Variants in WASL observed in about 807,000 individuals in gnomAD.
WASL encodes WASP like actin nucleation promoting factor.
WASL carries 20 observed loss-of-function variants against 55.5 expected under a neutral mutation model. The ratio of observed to expected loss-of-function variants is 0.36; its 90% CI spans 0.25 to 0.52. The LOEUF (loss-of-function observed/expected upper bound fraction) is 0.52, where lower values mean the gene tolerates loss of function less well. Among genes scored for constraint, WASL ranks in the 20% least tolerant of loss-of-function variants. WASL has a pLI of 0.92. For synonymous variants in WASL, 249 were observed against 217.6 expected (o/e 1.14, Z -1.27); for missense variants, 504 against 622.5 (o/e 0.81, Z 2.03).
At chr7:123,718,477 A>G (rs1417503788) in intron 1 of WASL, among the ~76,000 whole-genome samples, 2 of 152,176 alleles carry the variant, frequency 1.3e-5, no homozygotes, top group African/African-American at 4.8e-5. Flanking sequence ...AAAAACACAA[A>G]AACACTAAGA....
intron 5 of WASL, among the ~76,000 whole-genome samples, chr7:123,698,756 C>G (rs1166381227): frequency 6.6e-6 from 1 of 152,048 alleles, no homozygotes; most frequent in Non-Finnish European, 1.5e-5. Flanking sequence ...TAAGCAGTAT[C>G]GAATGACCTG....
At chr7:123,685,913 C>T (rs1356200658) in intron 10 of WASL, among the ~76,000 whole-genome samples, 1 of 146,702 alleles carries the variant, frequency 6.8e-6, no homozygotes, top group Admixed American at 6.8e-5. Context: ...TATATAGGAC[C>T]CATGAAGGCC....
intron 2 of WASL, among the ~76,000 whole-genome samples, chr7:123,708,616 A>G (rs959903285): frequency 2.0e-5 from 3 of 152,166 alleles, no homozygotes; most frequent in African/African-American, 7.2e-5. Flanking sequence ...CTATCATGAG[A>G]AACAATATAA....
At chr7:123,706,192 T>C in intron 4 of WASL, 85 bp downstream of exon 4, 2 of 1,303,326 alleles carry the variant, frequency 1.5e-6, no homozygotes, top group Non-Finnish European at 1.1e-6. Flanking sequence ...AGTAAACTTT[T>C]ATTTACAAAA....
At chr7:123,698,058 GT>G (rs1006562691) in intron 5 of WASL, among the ~76,000 whole-genome samples, 2,774 of 144,788 alleles carry the variant, frequency 0.019, 88 homozygotes, top group African/African-American at 0.065. Context: ...CTTGTGTGTG[GT>G]TTTTTTTTTT....
chr7:123,727,330 C>T (rs1409941457), intron 1 of WASL, among the ~76,000 whole-genome samples: 2 of 138,318 alleles, frequency 1.4e-5, no homozygotes, highest in Admixed American at 1.5e-4. Flanking sequence ...GAGCTATTTG[C>T]CCAAAAGAAA....
intron 3 of WASL, 144 bp from the exon 4 acceptor site, chr7:123,706,517 ATAACT>A (rs1803672710): frequency 2.3e-6 from 2 of 881,880 alleles, no homozygotes; most frequent in South Asian, 1.8e-5. Flanking sequence ...TATGATCTGA[ATAACT>A]TAACACAAAA....
chr7:123,713,567 C>T (rs75753034), intron 1 of WASL, among the ~76,000 whole-genome samples: 74 of 152,246 alleles, frequency 4.9e-4, no homozygotes, highest in African/African-American at 1.7e-3. Flanking sequence ...CAGTCAAATA[C>T]TCCAACTTTT....
At chr7:123,691,234 CT>C (rs1222063156) in intron 9 of WASL, among the ~76,000 whole-genome samples, 2 of 152,238 alleles carry the variant, frequency 1.3e-5, no homozygotes, top group South Asian at 2.1e-4. Flanking sequence ...TCTCCATTTA[CT>C]TCACAGAAAA....
At chr7:123,698,472 A>T (rs753133785) in intron 5 of WASL, among the ~76,000 whole-genome samples, 54 of 152,160 alleles carry the variant, frequency 3.5e-4, no homozygotes, top group Non-Finnish European at 7.2e-4. Context: ...CCTTATCAAA[A>T]AAGTAAATAA....
chr7:123,706,785 A>G lies in WASL; in HGVS notation c.294T>C (p.Phe98=). The change falls in exon 3 of 11, where the codon TTT becomes TTC. Residue 98 remains phenylalanine (F), a synonymous_variant. Transcript: ENST00000223023. ...AATATCCTCTAGGACTATTATATAC[A>G]AAGTTATTGTATAGCTCTTGTTCCC... ...LLWEQELYNN[F]VYNSPRGYFH... is the part of the protein sequence containing the mutation. 6.3e-7 allele frequency: 1 copy of G among 1,579,590 alleles called. No individual in the cohort carries two copies.
chr7:123,696,029 CAGA>C (rs1023393186), intron 6 of WASL, among the ~76,000 whole-genome samples, 164 bp from the exon 7 acceptor site: 37 of 152,120 alleles, frequency 2.4e-4, no homozygotes, highest in African/African-American at 7.7e-4. Flanking sequence ...TACAAGGAGT[CAGA>C]AGAACAGGAT....
intron 2 of WASL, among the ~76,000 whole-genome samples, chr7:123,708,416 C>T (rs1354439000): frequency 6.6e-6 from 1 of 151,988 alleles, no homozygotes; most frequent in African/African-American, 2.4e-5. Context: ...GCACTTATTG[C>T]CACATATAAA....
chr7:123,683,115 T>G lies in WASL; in HGVS notation c.*1404A>C, dbSNP rs909833451. ...CAATTCTAGATAGCGTAATTTTTAG[T>G]TGGATATTGTGACTATAGTAATGAA... On this transcript the variant is annotated 3_prime_UTR_variant, in exon 11 of 11. Coordinates refer to ENST00000223023, the MANE Select transcript of WASL (RefSeq NM_003941.4). The G allele has an allele frequency of 1.3e-5, 2 of 152,076 alleles. No individual in the cohort carries two copies. The highest frequency in any genetic ancestry group is 2.1e-4 in the South Asian group (1 of 4,830). The allele number at this position is 152,076 out of a possible 1,614,324, so 9.4% of individuals were successfully genotyped here. A position where few individuals can be genotyped will look rare whatever the true frequency, so the allele number is the denominator to read the frequency against.
At position 123,689,029 on chromosome 7, in the gene WASL, TCTC is replaced by T. The variant is rs755293181; in HGVS notation, c.1456+10_1456+12del. The T allele has an allele frequency of 2.6e-5, 42 of 1,599,414 alleles. No individual in the cohort carries two copies. The African/African-American group carries it at 5.1e-4, about 20-fold the overall frequency. ...CTGTCTCTCTCTCTCTCTCTCTCTC[TCTC>T]TCTCTCTACCTGAAGAATGAATGGC... On this transcript the variant is annotated intron_variant, in intron 10 of 10. Coordinates refer to ENST00000223023, the MANE Select transcript of WASL (RefSeq NM_003941.4).
chr7:123,687,502 T>C (rs967690443), intron 10 of WASL, among the ~76,000 whole-genome samples: 2 of 152,182 alleles, frequency 1.3e-5, no homozygotes, highest in African/African-American at 2.4e-5. Flanking sequence ...CCTAGTTTTC[T>C]ACATGGTTCA....
chr7:123,712,789 T>C (rs1007458881), intron 1 of WASL, among the ~76,000 whole-genome samples: 6 of 152,180 alleles, frequency 3.9e-5, no homozygotes, highest in Admixed American at 1.3e-4. Flanking sequence ...CACTTCCTCC[T>C]ATTCCCTCTA....
chr7:123,745,342 A>C (rs1804413693), intron 1 of WASL, among the ~76,000 whole-genome samples: 1 of 152,034 alleles, frequency 6.6e-6, no homozygotes, highest in African/African-American at 2.4e-5. Flanking sequence ...TTCCCCTGAA[A>C]ATTTTCTAAG....
chr7:123,741,581 C>T (rs979200101), intron 1 of WASL, among the ~76,000 whole-genome samples: 1 of 151,978 alleles, frequency 6.6e-6, no homozygotes, highest in African/African-American at 2.4e-5. Flanking sequence ...AAAGTTCAAC[C>T]CTTATCTGCT....
Sources: allele counts gnomAD v4.1 joint callset (sites outside exome capture counted in the v4.1 genomes callset), GRCh38; gene constraint gnomAD v4.1.1; transcripts MANE v1.5; gene names NCBI Gene and HGNC (gene_info 2026-07-23, HGNC 2026-07-21).